Variants in PIK3C3 observed in about 807,000 individuals in gnomAD.
PIK3C3 encodes the protein PI3-kinase type 3.
PIK3C3 carries 95 observed loss-of-function variants against 126.1 expected under a neutral mutation model. The observed-to-expected ratio is 0.75, with a 90% confidence interval of 0.64 to 0.89. The LOEUF (loss-of-function observed/expected upper bound fraction) is 0.89. PIK3C3 is among the 40% of genes least tolerant of loss of function. The pLI is 0.00. For synonymous variants in PIK3C3, 374 were observed against 360.0 expected, an observed-to-expected ratio of 1.04 and a Z score of -0.44; for missense variants, 829 against 1,063.2, an observed-to-expected ratio of 0.78 and a Z score of 3.06.
intron 4 of PIK3C3, among the ~76,000 whole-genome samples, chr18:41,982,916 G>T (rs1036751372): frequency 9.9e-5 from 15 of 152,142 alleles, no homozygotes; most frequent in African/African-American, 3.4e-4. Context: ...GTAAAGGCTG[G>T]AGGGTTTTGC....
At chr18:41,979,307 G>C (rs1156902546) in intron 4 of PIK3C3, among the ~76,000 whole-genome samples, 1 of 152,148 alleles carries the variant, frequency 6.6e-6, no homozygotes, top group African/African-American at 2.4e-5. Flanking sequence ...TTGCCTTTGT[G>C]ACCAGCTCCC....
intron 10 of PIK3C3, among the ~76,000 whole-genome samples, chr18:42,009,570 G>A (rs1598891659): frequency 6.6e-6 from 1 of 151,854 alleles, no homozygotes; most frequent in African/African-American, 2.4e-5. Context: ...AAATTATACT[G>A]TAGTCTAAGT....
At chr18:41,958,863 C>T (rs1979933559) in intron 2 of PIK3C3, among the ~76,000 whole-genome samples, 1 of 151,976 alleles carries the variant, frequency 6.6e-6, no homozygotes. Context: ...TGTTACATAC[C>T]TACTGTTAAC....
At chr18:42,081,002 G>T in intron 24 of PIK3C3, 121 bp from the exon 25 acceptor site, 2 of 607,822 alleles carry the variant, frequency 3.3e-6, no homozygotes, top group East Asian at 5.7e-5. Context: ...GTAGCATTTA[G>T]CAAACTAATT....
rs1341416582 is a variant in PIK3C3, at chr18:42,032,296, G to A, written c.1708-1530G>A. On this transcript the variant is annotated intron_variant, in intron 15 of 24. Transcript: ENST00000262039. ...GGTACAGTAATAGGAGATGAAGTTA[G>A]AGATAATTGGGAAATGGATGGAATT... Among the ~76,000 whole-genome samples, 3 of 152,326 alleles carry A rather than the reference G, an allele frequency of 2.0e-5. No individual in the cohort carries two copies. The East Asian group carries it at 5.8e-4, about 29-fold the overall frequency.
intron 24 of PIK3C3, among the ~76,000 whole-genome samples, chr18:42,076,122 G>A (rs950388764): frequency 0.014 from 369 of 25,476 alleles, 19 homozygotes; most frequent in African/African-American, 0.057. Context: ...ATATATATAT[G>A]CGCATATATA....
At chr18:42,046,851 A>G (rs942470750) in intron 20 of PIK3C3, among the ~76,000 whole-genome samples, 3 of 152,166 alleles carry the variant, frequency 2.0e-5, no homozygotes, top group Non-Finnish European at 2.9e-5. Flanking sequence ...ACTATTAAAT[A>G]TGGCCATATG....
chr18:42,015,054 C>A (rs894200828), intron 11 of PIK3C3, among the ~76,000 whole-genome samples: 2 of 152,078 alleles, frequency 1.3e-5, no homozygotes, highest in Non-Finnish European at 2.9e-5. Context: ...AACTTACGGT[C>A]TACTAGTCAC....
intron 24 of PIK3C3, among the ~76,000 whole-genome samples, chr18:42,069,549 C>T (rs1178165013): frequency 6.6e-6 from 1 of 152,164 alleles, no homozygotes; most frequent in Non-Finnish European, 1.5e-5. Flanking sequence ...TGTGTGTGTA[C>T]ACCTTATTTT....
At chr18:41,977,993 G>C (rs533148785) in intron 4 of PIK3C3, among the ~76,000 whole-genome samples, 1 of 151,962 alleles carries the variant, frequency 6.6e-6, no homozygotes, top group East Asian at 1.9e-4. Flanking sequence ...ACAGGGTCTC[G>C]CCTTTTTTCC....
chr18:42,060,729 A>T (rs892595035), intron 22 of PIK3C3, among the ~76,000 whole-genome samples: 1 of 152,218 alleles, frequency 6.6e-6, no homozygotes, highest in South Asian at 2.1e-4. Flanking sequence ...GTGAGCCAAA[A>T]TCACACCACT....
intron 3 of PIK3C3, among the ~76,000 whole-genome samples, chr18:41,969,654 A>G (rs1198078649): frequency 6.6e-6 from 1 of 152,212 alleles, no homozygotes; most frequent in Non-Finnish European, 1.5e-5. Context: ...AAGAAAGGAG[A>G]AATCAATTTG....
chr18:41,991,322 A>G (rs1186165031), intron 6 of PIK3C3, among the ~76,000 whole-genome samples: 1 of 152,138 alleles, frequency 6.6e-6, no homozygotes, highest in African/African-American at 2.4e-5. Context: ...CAGGAGTTTG[A>G]GACCCGCCTG....
At chr18:42,009,744 T>C (rs1054086630) in intron 10 of PIK3C3, among the ~76,000 whole-genome samples, 2 of 149,322 alleles carry the variant, frequency 1.3e-5, no homozygotes, top group African/African-American at 2.5e-5. Flanking sequence ...GCTTACATTA[T>C]GTAATGTACA....
intron 4 of PIK3C3, among the ~76,000 whole-genome samples, chr18:41,976,859 A>T (rs1179469319): frequency 6.6e-6 from 1 of 152,224 alleles, no homozygotes; most frequent in Non-Finnish European, 1.5e-5. Context: ...AGAGAAGTTA[A>T]GCTGTTTATT....
chr18:42,076,447 G>A (rs1367696631), intron 24 of PIK3C3, among the ~76,000 whole-genome samples: 1 of 151,890 alleles, frequency 6.6e-6, no homozygotes, highest in East Asian at 1.9e-4. Flanking sequence ...GAGTCGCCAG[G>A]AGCTGTTAAT....
chr18:42,044,165 G>A (rs1268899738), intron 20 of PIK3C3, among the ~76,000 whole-genome samples: 3 of 152,162 alleles, frequency 2.0e-5, no homozygotes, highest in Non-Finnish European at 2.9e-5. Context: ...AAATGATTGT[G>A]CTTTAGATAA....
intron 4 of PIK3C3, among the ~76,000 whole-genome samples, chr18:41,976,570 T>A (rs1261112769): frequency 2.0e-5 from 3 of 152,240 alleles, no homozygotes; most frequent in African/African-American, 7.2e-5. Flanking sequence ...AAATCCCAGC[T>A]GTGATCTTGA....
chr18:42,028,105 A>G (rs927509874), intron 14 of PIK3C3, among the ~76,000 whole-genome samples: 3 of 152,230 alleles, frequency 2.0e-5, no homozygotes, highest in African/African-American at 7.2e-5. Context: ...TTTGTACTCA[A>G]TAGGAGTTTA....
Sources: allele counts gnomAD v4.1 joint callset (sites outside exome capture counted in the v4.1 genomes callset), GRCh38; gene constraint gnomAD v4.1.1; transcripts MANE v1.5; gene names NCBI Gene and HGNC (gene_info 2026-07-23, HGNC 2026-07-21).